The following EPHA3 variants were observed in gnomAD, a reference collection of about 807,000 sequenced individuals.
EPHA3 encodes the protein ephrin type-A receptor 3.
EPHA3 carries 42 observed loss-of-function variants against 107.1 expected under a neutral mutation model. The ratio of observed to expected loss-of-function variants is 0.39; its 90% CI spans 0.31 to 0.51. EPHA3 has a LOEUF of 0.51. Ranked by LOEUF, EPHA3 falls within the 20% of genes least tolerant of loss-of-function variation. EPHA3 has a pLI of 0.78. For synonymous variants in EPHA3, 461 were observed against 424.8 expected, an observed-to-expected ratio of 1.09 and a Z score of -1.05; for missense variants, 1,183 against 1,211.2, an observed-to-expected ratio of 0.98 and a Z score of 0.35.
At chr3:89,178,151 C>T (rs1332239093) in intron 2 of EPHA3, among the ~76,000 whole-genome samples, 1 of 152,046 alleles carries the variant, frequency 6.6e-6, no homozygotes, top group Non-Finnish European at 1.5e-5. Context: ...TGAACTTTTT[C>T]AAGGTGCAGT....
intron 3 of EPHA3, among the ~76,000 whole-genome samples, chr3:89,287,120 A>G (rs1260370319): frequency 6.6e-6 from 1 of 152,192 alleles, no homozygotes; most frequent in Non-Finnish European, 1.5e-5. Flanking sequence ...TAACAGGAAA[A>G]ACATTTCAAG....
At chr3:89,435,550 A>G (rs866035269) in intron 13 of EPHA3, among the ~76,000 whole-genome samples, 9 of 146,094 alleles carry the variant, frequency 6.2e-5, no homozygotes, top group Non-Finnish European at 1.2e-4. Context: ...TATATAAAGT[A>G]TATATATACT....
At chr3:89,161,478 A>G (rs1434743476) in intron 2 of EPHA3, among the ~76,000 whole-genome samples, 1 of 152,156 alleles carries the variant, frequency 6.6e-6, no homozygotes, top group African/African-American at 2.4e-5. Flanking sequence ...AAATCTAACA[A>G]TGTATCTTGG....
At chr3:89,457,143 G>A (rs1291972503) in intron 15 of EPHA3, among the ~76,000 whole-genome samples, 2 of 151,816 alleles carry the variant, frequency 1.3e-5, no homozygotes, top group Non-Finnish European at 2.9e-5. Flanking sequence ...GTAGGTAACA[G>A]GAAAACAGGC....
intron 5 of EPHA3, among the ~76,000 whole-genome samples, chr3:89,386,304 T>C (rs1011867847): frequency 6.6e-6 from 1 of 151,796 alleles, no homozygotes. Flanking sequence ...GAGGGAAAAA[T>C]GGTTTTGAGG....
intron 2 of EPHA3, among the ~76,000 whole-genome samples, chr3:89,190,381 A>G (rs1471580952): frequency 6.6e-6 from 1 of 152,226 alleles, no homozygotes; most frequent in Non-Finnish European, 1.5e-5. Context: ...AGAACAATAT[A>G]TCTACCAATT....
At chr3:89,259,665 T>C (rs1443157599) in intron 3 of EPHA3, among the ~76,000 whole-genome samples, 1 of 152,204 alleles carries the variant, frequency 6.6e-6, no homozygotes, top group Non-Finnish European at 1.5e-5. Context: ...TCATCTCACT[T>C]AGTTACATTT....
intron 5 of EPHA3, among the ~76,000 whole-genome samples, chr3:89,373,297 T>G (rs116370311): frequency 0.015 from 2,324 of 151,970 alleles, 44 homozygotes; most frequent in African/African-American, 0.053. Context: ...AATTTAAAAT[T>G]TCCTCCAGCC....
chr3:89,435,717 C>T (rs1709656272), intron 13 of EPHA3, among the ~76,000 whole-genome samples: 1 of 149,412 alleles, frequency 6.7e-6, no homozygotes, highest in Non-Finnish European at 1.5e-5. Context: ...CTTTGAGAGG[C>T]TAAAGCAGGC....
intron 15 of EPHA3, among the ~76,000 whole-genome samples, chr3:89,456,109 G>T (rs1710093443): frequency 6.6e-6 from 1 of 152,130 alleles, no homozygotes; most frequent in African/African-American, 2.4e-5. Flanking sequence ...AAATTCCAGT[G>T]TTTTTCTGCT....
chr3:89,473,241 C>T (rs866459663), intron 16 of EPHA3, among the ~76,000 whole-genome samples: 2 of 152,016 alleles, frequency 1.3e-5, no homozygotes, highest in African/African-American at 2.4e-5. Context: ...AAAAAATATG[C>T]GTCATAATAT....
chr3:89,164,552 C>T (rs1218042862), intron 2 of EPHA3, among the ~76,000 whole-genome samples: 1 of 152,138 alleles, frequency 6.6e-6, no homozygotes. Flanking sequence ...CTGCTTCCAC[C>T]CAGACTTGCT....
chr3:89,378,028 C>T (rs527516603), intron 5 of EPHA3, among the ~76,000 whole-genome samples: 224 of 152,090 alleles, frequency 1.5e-3, no homozygotes, highest in Non-Finnish European at 2.5e-3. Flanking sequence ...AACCAAACAC[C>T]GCATGGTCTC....
chr3:89,302,981 G>A (rs1289862742), intron 3 of EPHA3, among the ~76,000 whole-genome samples: 2 of 151,898 alleles, frequency 1.3e-5, no homozygotes, highest in African/African-American at 4.8e-5. Context: ...CAACCTTGAC[G>A]CCCTGAGCTC....
chr3:89,183,393 T>C (rs1310144911), intron 2 of EPHA3, among the ~76,000 whole-genome samples: 1 of 151,932 alleles, frequency 6.6e-6, no homozygotes, highest in Non-Finnish European at 1.5e-5. Flanking sequence ...GATTTGGTCT[T>C]TTCTCATGGC....
At chr3:89,177,635 C>T (rs1372482710) in intron 2 of EPHA3, among the ~76,000 whole-genome samples, 1 of 152,158 alleles carries the variant, frequency 6.6e-6, no homozygotes, top group Non-Finnish European at 1.5e-5. Flanking sequence ...TGAAAAGCCA[C>T]TCAAATTGCC....
intron 3 of EPHA3, among the ~76,000 whole-genome samples, chr3:89,268,306 CT>C (rs1465378382): frequency 6.6e-6 from 1 of 152,104 alleles, no homozygotes; most frequent in East Asian, 1.9e-4. Context: ...AGTAGATCAA[CT>C]TTCTTCTTTC....
intron 11 of EPHA3, among the ~76,000 whole-genome samples, chr3:89,425,863 C>T (rs779958432): frequency 3.0e-4 from 45 of 151,402 alleles, no homozygotes; most frequent in Non-Finnish European, 5.9e-4. Context: ...CATCAAGCGG[C>T]GATTCAATGA....
In EPHA3 at chr3:89,181,992, A is replaced by T. The variant is rs140914527; in HGVS notation, c.154-27868A>T. Among the ~76,000 whole-genome samples the T allele has an allele frequency of 5.0e-3, 753 of 151,756 alleles. 3 individuals carry two copies. The highest frequency in any genetic ancestry group is 8.0e-3 in the Non-Finnish European group (542 of 67,850). On this transcript the variant is annotated intron_variant, in intron 2 of 16. Coordinates refer to ENST00000336596, the MANE Select transcript of EPHA3 (RefSeq NM_005233.6). ...TGAGCACTTTAGATAGCATTTGACC[A>T]GTGATAATCATTTTCATCCTTACTT... is the stretch of plus-strand genomic sequence containing the variant.
Sources: allele counts gnomAD v4.1 joint callset (sites outside exome capture counted in the v4.1 genomes callset), GRCh38; gene constraint gnomAD v4.1.1; transcripts MANE v1.5; gene names NCBI Gene and HGNC (gene_info 2026-07-23, HGNC 2026-07-21).